The following KCNH7 variants were observed in gnomAD, a reference collection of about 807,000 sequenced individuals.
The protein encoded by KCNH7 is potassium voltage-gated channel subfamily H member 7.
In KCNH7, 49 loss-of-function variants were observed where a neutral mutation model predicts 120.8. That is an observed-to-expected ratio of 0.41 (90% confidence interval 0.32 to 0.51). KCNH7 has a LOEUF of 0.51. Ranked by LOEUF, KCNH7 falls within the 20% of genes least tolerant of loss-of-function variation. The pLI, the probability that KCNH7 is intolerant of heterozygous loss-of-function variation, is 0.38. For missense variants in KCNH7, 1,097 were observed against 1,446.6 expected (o/e 0.76, Z 3.92); for synonymous variants, 547 against 516.1 (o/e 1.06, Z -0.81).
chr2:162,838,626 G>T lies in KCNH7; in HGVS notation c.-108C>A. On this transcript the variant is annotated 5_prime_UTR_variant, in exon 1 of 16. Transcript: ENST00000332142. ...CGCGCGAGCCGCTCTTTGTGGCAGA[G>T]CATCCTCTTTTGAAACCAGAATTCT... 1 of 810,818 alleles carries T rather than the reference G, an allele frequency of 1.2e-6. No homozygotes were observed. The allele number at this position is 810,818 out of a possible 1,614,324, so 50.2% of individuals were successfully genotyped here. A position where few individuals can be genotyped will look rare whatever the true frequency, so the allele number is the denominator to read the frequency against.
intron 2 of KCNH7, among the ~76,000 whole-genome samples, chr2:162,668,537 A>G (rs1471935216): frequency 1.3e-5 from 2 of 152,172 alleles, no homozygotes; most frequent in African/African-American, 4.8e-5. Flanking sequence ...CCAAATACAG[A>G]ACAAAAGTGA....
chr2:162,639,589 TA>T, intron 2 of KCNH7, among the ~76,000 whole-genome samples: 1 of 152,026 alleles, frequency 6.6e-6, no homozygotes, highest in African/African-American at 2.4e-5. Context: ...ATAGCTGACA[TA>T]AAAGCTAACC....
At chr2:162,812,146 A>G (rs1684751833) in intron 2 of KCNH7, among the ~76,000 whole-genome samples, 1 of 152,166 alleles carries the variant, frequency 6.6e-6, no homozygotes, top group Non-Finnish European at 1.5e-5. Context: ...CTTGATAAGT[A>G]TCAGGGTGCA....
At chr2:162,492,025 A>G (rs777803351) in intron 6 of KCNH7, among the ~76,000 whole-genome samples, 10 of 152,216 alleles carry the variant, frequency 6.6e-5, no homozygotes, top group Non-Finnish European at 1.2e-4. Context: ...AGCTTAAATG[A>G]GCTCAGGGGA....
At chr2:162,392,499 A>T (rs1686774703) in intron 12 of KCNH7, among the ~76,000 whole-genome samples, 1 of 151,984 alleles carries the variant, frequency 6.6e-6, no homozygotes, top group East Asian at 1.9e-4. Flanking sequence ...ACTTGGCATA[A>T]GAAGGCAAGA....
In KCNH7 at chr2:162,517,942, G is replaced by A; in HGVS notation, c.680C>T (p.Pro227Leu). ...KALIQPSKCS[P>L]LVNISGPLDH... ...AAGAGGTCCGGATATATTCACCAAGGGAGAACATTTGCTGGGCTGTATCAA... is the reference window on the plus strand; with the variant it reads ...AAGAGGTCCGGATATATTCACCAAGAGAGAACATTTGCTGGGCTGTATCAA... The change falls in exon 4 of 16, where the codon CCC (proline) becomes CTC (leucine). Residue 227 changes from proline (P) to leucine (L), a missense_variant. Pro to Leu is a moderately conservative substitution (Grantham distance 98). Transcript: ENST00000332142. 1 of 1,612,420 alleles carries A rather than the reference G, an allele frequency of 6.2e-7. No homozygotes were observed. Among genetic ancestry groups the A allele is most frequent in the Non-Finnish European group, 8.5e-7 (1 of 1,178,896 alleles).
chr2:162,604,889 G>T (rs774375137), intron 2 of KCNH7, among the ~76,000 whole-genome samples: 3 of 152,004 alleles, frequency 2.0e-5, no homozygotes, highest in Non-Finnish European at 2.9e-5. Context: ...AAAGAAGAAA[G>T]AAATATTAAA....
chr2:162,438,173 A>G (rs1688312349), intron 7 of KCNH7, among the ~76,000 whole-genome samples: 1 of 152,204 alleles, frequency 6.6e-6, no homozygotes, highest in Non-Finnish European at 1.5e-5. Flanking sequence ...GCTTTAAAAT[A>G]AATGAGCTGT....
intron 2 of KCNH7, among the ~76,000 whole-genome samples, chr2:162,760,556 A>C (rs1269982726): frequency 6.6e-6 from 1 of 152,020 alleles, no homozygotes; most frequent in Non-Finnish European, 1.5e-5. Context: ...AGTCCAAAAT[A>C]CTATAAATTT....
chr2:162,521,231 C>G (rs1691510252), intron 3 of KCNH7, among the ~76,000 whole-genome samples: 1 of 151,920 alleles, frequency 6.6e-6, no homozygotes, highest in Non-Finnish European at 1.5e-5. Flanking sequence ...CCAGCTCTGA[C>G]TGAATGACTT....
intron 2 of KCNH7, among the ~76,000 whole-genome samples, chr2:162,719,842 A>AC (rs1427697192): frequency 6.6e-6 from 1 of 151,978 alleles, no homozygotes; most frequent in Admixed American, 6.6e-5. Context: ...ATGCAGACTT[A>AC]CCCCCCATGT....
intron 2 of KCNH7, among the ~76,000 whole-genome samples, chr2:162,715,524 G>A (rs1485098718): frequency 6.6e-6 from 1 of 152,174 alleles, no homozygotes; most frequent in African/African-American, 2.4e-5. Flanking sequence ...TCTCCCTGTA[G>A]CTATGCCCTT....
chr2:162,789,623 C>A (rs932781597), intron 2 of KCNH7, among the ~76,000 whole-genome samples: 7 of 151,732 alleles, frequency 4.6e-5, no homozygotes, highest in Non-Finnish European at 1.0e-4. Flanking sequence ...ACAAGATTTA[C>A]CAAATTCAAG....
chr2:162,568,262 A>G (rs1693329837), intron 2 of KCNH7, among the ~76,000 whole-genome samples: 1 of 152,042 alleles, frequency 6.6e-6, no homozygotes, highest in African/African-American at 2.4e-5. Context: ...CTTGACACAT[A>G]GAGATTATGG....
chr2:162,528,185 AT>A (rs1158878054), intron 3 of KCNH7: 1 of 151,954 alleles, frequency 6.6e-6, no homozygotes, highest in East Asian at 1.9e-4. Flanking sequence ...GATACTTACT[AT>A]TTGCAAAATA....
chr2:162,634,475 T>C (rs1683885829), intron 2 of KCNH7, among the ~76,000 whole-genome samples: 1 of 152,088 alleles, frequency 6.6e-6, no homozygotes, highest in South Asian at 2.1e-4. Context: ...TATTATCTTA[T>C]CCTAGCAACA....
At chr2:162,750,984 A>T (rs1235194702) in intron 2 of KCNH7, among the ~76,000 whole-genome samples, 1 of 152,122 alleles carries the variant, frequency 6.6e-6, no homozygotes, top group Non-Finnish European at 1.5e-5. Context: ...ATTTGCCAAG[A>T]CTAGTTCCCT....
intron 2 of KCNH7, among the ~76,000 whole-genome samples, chr2:162,710,368 C>T (rs1686883431): frequency 6.6e-6 from 1 of 152,044 alleles, no homozygotes; most frequent in Non-Finnish European, 1.5e-5. Flanking sequence ...TTTAGAACTT[C>T]TATTTTTGTT....
intron 2 of KCNH7, among the ~76,000 whole-genome samples, chr2:162,734,164 G>T (rs936282608): frequency 2.6e-5 from 4 of 151,912 alleles, no homozygotes; most frequent in Non-Finnish European, 4.4e-5. Flanking sequence ...TAATAATATG[G>T]TAGCATTTTT....
Sources: allele counts gnomAD v4.1 joint callset (sites outside exome capture counted in the v4.1 genomes callset), GRCh38; gene constraint gnomAD v4.1.1; transcripts MANE v1.5; gene names NCBI Gene and HGNC (gene_info 2026-07-23, HGNC 2026-07-21).